MALRD1: variants seen among roughly 807,000 people sequenced by gnomAD.
MALRD1 encodes the protein MAM and LDL receptor class A domain containing 1.
A neutral mutation model predicts 242.1 loss-of-function variants in MALRD1; 247 were observed. The observed-to-expected ratio is 1.02, with a 90% CI of 0.92 to 1.13. The LOEUF (loss-of-function observed/expected upper bound fraction) is 1.13, where lower values mean the gene tolerates loss of function less well. MALRD1 is among the 50% of genes most tolerant of loss of function. MALRD1 has a pLI of 0.00. For synonymous variants in MALRD1, 995 were observed against 866.6 expected, an observed-to-expected ratio of 1.15 and a Z score of -2.60; for missense variants, 2,989 against 2,533.1, an observed-to-expected ratio of 1.18 and a Z score of -3.86.
At position 19,312,301 on chromosome 10, in the gene MALRD1, G is replaced by A. The variant is rs1192448901; in HGVS notation, c.3420-11648G>A. On this transcript the variant is annotated intron_variant, in intron 21 of 39. Transcript: ENST00000454679. ...CTTTTTCTGTATAACACATTACAGT[G>A]GATAGTTTTAGACCTTATAGCTATT... Among the ~76,000 whole-genome samples, 3 of 150,168 alleles carry A rather than the reference G, an allele frequency of 2.0e-5. No individual in the cohort carries two copies. The East Asian group carries it at 5.9e-4, about 30-fold the overall frequency.
chr10:19,198,617 C>T (rs1836371001), intron 14 of MALRD1, among the ~76,000 whole-genome samples: 1 of 152,068 alleles, frequency 6.6e-6, no homozygotes, highest in African/African-American at 2.4e-5. Context: ...CTGCTCATAA[C>T]CTGTGCAGAA....
At chr10:19,171,495 C>CAT (rs201134385) in intron 13 of MALRD1, among the ~76,000 whole-genome samples, 1 of 136,690 alleles carries the variant, frequency 7.3e-6, no homozygotes, top group East Asian at 2.1e-4. Context: ...TATACACACA[C>CAT]ATATATATGT....
chr10:19,263,704 T>C (rs1839853738), intron 19 of MALRD1, among the ~76,000 whole-genome samples: 1 of 152,154 alleles, frequency 6.6e-6, no homozygotes. Flanking sequence ...TTTTTCCCAT[T>C]GTATATTCTT....
chr10:19,206,491 A>T lies in MALRD1; in HGVS notation c.2578+1226A>T, dbSNP rs561742200. Among the ~76,000 whole-genome samples, 5 of 152,360 alleles carry T rather than the reference A, an allele frequency of 3.3e-5. No homozygotes were observed. In the South Asian group the frequency reaches 1.0e-3, roughly 32 times the overall value. ...AAGCTCTCTGAATCCCACTCATTAA[A>T]AAATGTCAATGTGCTGCTAAAAATA... is the stretch of plus-strand genomic sequence containing the variant. On this transcript the variant is annotated intron_variant, in intron 17 of 39. Transcript: ENST00000454679.
Position 19,209,524 on chromosome 10 carries a change from C to G in MALRD1, c.2835C>G (p.Phe945Leu). ...ATDTKGCTFR[F>L]YYHMFGKRIY... ...ATACAAAAGGCTGCACCTTCCGCTT[C>G]TATTACCACATGTTTGGAAAGCGCA... Residue 945 changes from phenylalanine to leucine, a missense_variant, in exon 18 of 40, where the codon TTC becomes TTG. Phe to Leu is a conservative substitution (Grantham distance 22, BLOSUM62 0). Transcript: ENST00000454679. 6.4e-7 allele frequency: 1 copy of G among 1,550,774 alleles called. No homozygotes were observed. The highest frequency in any genetic ancestry group is 1.2e-5 in the South Asian group (1 of 84,068).
intron 24 of MALRD1, among the ~76,000 whole-genome samples, chr10:19,341,079 G>C (rs978176875): frequency 1.2e-4 from 18 of 151,640 alleles, no homozygotes; most frequent in African/African-American, 4.4e-4. Flanking sequence ...TTTAATATTC[G>C]ATATTAATTT....
intron 32 of MALRD1, among the ~76,000 whole-genome samples, chr10:19,541,494 G>T (rs574327829): frequency 1.1e-3 from 173 of 152,276 alleles, no homozygotes; most frequent in African/African-American, 4.0e-3. Flanking sequence ...GAAATCATTT[G>T]TACAATATGA....
chr10:19,097,464 A>G (rs1204140957), intron 4 of MALRD1, among the ~76,000 whole-genome samples: 1 of 152,232 alleles, frequency 6.6e-6, no homozygotes, highest in Non-Finnish European at 1.5e-5. Context: ...ATTAATCGCA[A>G]TCACATTTTT....
chr10:19,369,837 A>G (rs1040781956), intron 26 of MALRD1, among the ~76,000 whole-genome samples: 37 of 151,888 alleles, frequency 2.4e-4, no homozygotes, highest in Admixed American at 2.4e-3. Context: ...TATTACTGAT[A>G]TATTACTTTC....
At position 19,550,236 on chromosome 10, in the gene MALRD1, G is replaced by A. The variant is rs115219093; in HGVS notation, c.5479-17266G>A. Reference sequence around the variant, plus strand: ...TTTATAATTACCCGCTCCCCTACTTGCCTATGATACATTCTTTACAACATG... The same window carrying A: ...TTTATAATTACCCGCTCCCCTACTTACCTATGATACATTCTTTACAACATG... On this transcript the variant is annotated intron_variant, in intron 32 of 39. Transcript: ENST00000454679. 2.6e-3 allele frequency among the ~76,000 whole-genome samples: 394 copies of A among 152,044 alleles called. 1 individual carries two copies. Among genetic ancestry groups the A allele is most frequent in the African/African-American group, 9.2e-3 (383 of 41,484 alleles).
rs531919518 is a variant in MALRD1 at position 19,540,053 on chromosome 10, G to C, written c.5478+8702G>C. 2.6e-5 allele frequency among the ~76,000 whole-genome samples: 4 copies of C among 152,084 alleles called. No homozygotes were observed. In the South Asian group the frequency reaches 8.3e-4, roughly 32 times the overall value. Reference sequence around the variant, plus strand: ...TGCTTAAGATGATTAACTTTTGAATGAGCTGCTCAAGGACGAGGGCCACCA... The same window carrying C: ...TGCTTAAGATGATTAACTTTTGAATCAGCTGCTCAAGGACGAGGGCCACCA... On this transcript the variant is annotated intron_variant, in intron 32 of 39. Transcript: ENST00000454679.
intron 21 of MALRD1, among the ~76,000 whole-genome samples, chr10:19,296,361 C>A (rs903352381): frequency 3.3e-5 from 5 of 151,716 alleles, no homozygotes; most frequent in African/African-American, 1.2e-4. Flanking sequence ...CTGACAGTTT[C>A]TTATTTGGCA....
chr10:19,338,888 C>CCTCTTTAAGTT (rs1843718686), intron 24 of MALRD1, among the ~76,000 whole-genome samples: 1 of 149,554 alleles, frequency 6.7e-6, no homozygotes, highest in African/African-American at 2.5e-5. Context: ...CACACACGCA[C>CCTCTTTAAGTT]ATATATACAT....
chr10:19,671,515 G>A (rs920757321), intron 36 of MALRD1, among the ~76,000 whole-genome samples: 3 of 151,908 alleles, frequency 2.0e-5, no homozygotes, highest in Non-Finnish European at 4.4e-5. Context: ...TAGCTCAGGA[G>A]GTTGAGGCAA....
chr10:19,589,699 A>G (rs1212210429), intron 33 of MALRD1, among the ~76,000 whole-genome samples: 1 of 152,080 alleles, frequency 6.6e-6, no homozygotes, highest in Non-Finnish European at 1.5e-5. Flanking sequence ...AGTTTTTTGG[A>G]ATGTTTTTAT....
intron 21 of MALRD1, among the ~76,000 whole-genome samples, chr10:19,297,968 G>GTC (rs1841782391): frequency 6.6e-6 from 1 of 151,974 alleles, no homozygotes; most frequent in African/African-American, 2.4e-5. Context: ...AAATCTTAGT[G>GTC]TCTAAGAGCA....
chr10:19,589,446 C>T (rs1273253080), intron 33 of MALRD1, among the ~76,000 whole-genome samples: 1 of 152,104 alleles, frequency 6.6e-6, no homozygotes, highest in Non-Finnish European at 1.5e-5. Flanking sequence ...CAGTTGCAAA[C>T]AATGGCATGA....
At chr10:19,388,737 C>T (rs887286032) in intron 27 of MALRD1, among the ~76,000 whole-genome samples, 7 of 152,008 alleles carry the variant, frequency 4.6e-5, no homozygotes, top group Non-Finnish European at 7.4e-5. Context: ...CAGAATAAAG[C>T]TTGTTACTTT....
chr10:19,578,020 A>G (rs562603715), intron 33 of MALRD1, among the ~76,000 whole-genome samples: 46 of 152,246 alleles, frequency 3.0e-4, no homozygotes, highest in African/African-American at 1.1e-3. Flanking sequence ...GATTTTTCTG[A>G]TTCCCTGGAA....
Sources: allele counts gnomAD v4.1 joint callset (sites outside exome capture counted in the v4.1 genomes callset), GRCh38; gene constraint gnomAD v4.1.1; transcripts MANE v1.5; gene names NCBI Gene and HGNC (gene_info 2026-07-23, HGNC 2026-07-21).